Variants in TPRG1 observed in about 807,000 individuals in gnomAD.
TPRG1 encodes the protein tumor protein p63-regulated gene 1 protein.
Under a neutral mutation model 29.3 loss-of-function variants are expected in TPRG1, and 29 were observed. The observed-to-expected ratio is 0.99, with a 90% CI of 0.74 to 1.35. TPRG1 has a LOEUF of 1.35. Ranked by LOEUF, TPRG1 falls within the 40% of genes most tolerant of loss-of-function variation. The probability of loss-of-function intolerance (pLI) is 0.00; values close to 1 mark genes in which losing one functional copy is unlikely to be tolerated. For synonymous variants in TPRG1, 130 were observed against 116.8 expected (o/e 1.11, Z -0.73); for missense variants, 327 against 335.0 (o/e 0.98, Z 0.19).
chr3:189,259,313 C>T (rs534319298), intron 4 of TPRG1, among the ~76,000 whole-genome samples: 2 of 151,948 alleles, frequency 1.3e-5, no homozygotes, highest in South Asian at 2.1e-4. Flanking sequence ...TCTGCTTGCC[C>T]TCTGTGGGCT....
intron 5 of TPRG1, among the ~76,000 whole-genome samples, chr3:189,316,650 G>A (rs184881588): frequency 6.5e-4 from 99 of 152,224 alleles, no homozygotes; most frequent in Non-Finnish European, 9.7e-4. Context: ...AGAATAATAC[G>A]ATGTCCCCCC....
At chr3:189,030,996 A>G (rs1289043110) in intron 4 of TPRG1, among the ~76,000 whole-genome samples, 2 of 152,194 alleles carry the variant, frequency 1.3e-5, no homozygotes, top group Admixed American at 6.5e-5. Context: ...AAAAGGGCCG[A>G]GCGTGGCTCA....
chr3:189,189,569 T>C (rs1731409066), intron 1 of TPRG1, among the ~76,000 whole-genome samples: 1 of 152,220 alleles, frequency 6.6e-6, no homozygotes, highest in Admixed American at 6.5e-5. Flanking sequence ...ATGATTCCTC[T>C]CTTTTCACAT....
At chr3:189,271,030 C>T (rs1715040874) in intron 4 of TPRG1, among the ~76,000 whole-genome samples, 1 of 152,184 alleles carries the variant, frequency 6.6e-6, no homozygotes, top group Non-Finnish European at 1.5e-5. Context: ...CACAAACACA[C>T]ACACACTTTC....
At chr3:189,259,505 C>T (rs1195921239) in intron 4 of TPRG1, among the ~76,000 whole-genome samples, 2 of 141,860 alleles carry the variant, frequency 1.4e-5, no homozygotes, top group African/African-American at 2.7e-5. Flanking sequence ...TGCTCTGTTG[C>T]CCAGGCTGGA....
At chr3:189,158,966 CAGA>C (rs1727082138) in intron 5 of TPRG1, among the ~76,000 whole-genome samples, 1 of 114,364 alleles carries the variant, frequency 8.7e-6, no homozygotes. Context: ...CTTTTTGCCC[CAGA>C]CAAAGGCAAT....
intron 3 of TPRG1, chr3:189,219,439 T>C (rs1736594524): frequency 2.7e-6 from 1 of 368,210 alleles, no homozygotes; most frequent in East Asian, 1.0e-4. Context: ...CATCCAGGAC[T>C]GTTATATACA....
At chr3:189,156,121 A>G (rs1331892665) in intron 5 of TPRG1, among the ~76,000 whole-genome samples, 1 of 152,172 alleles carries the variant, frequency 6.6e-6, no homozygotes, top group African/African-American at 2.4e-5. Flanking sequence ...TTATTTATCA[A>G]TTGTAACTCA....
intron 3 of TPRG1, among the ~76,000 whole-genome samples, chr3:189,229,434 T>C (rs1738295065): frequency 6.6e-6 from 1 of 152,310 alleles, no homozygotes; most frequent in South Asian, 2.1e-4. Context: ...AGACAGCCTG[T>C]GACCCAAAGG....
intron 3 of TPRG1, among the ~76,000 whole-genome samples, chr3:189,016,147 G>A (rs1028786735): frequency 6.6e-6 from 1 of 152,104 alleles, no homozygotes; most frequent in Non-Finnish European, 1.5e-5. Flanking sequence ...CAAGGCCTTG[G>A]GAACCCATCC....
At chr3:189,161,275 A>G (rs7616752) in intron 5 of TPRG1, among the ~76,000 whole-genome samples, 83,030 of 152,062 alleles carry the variant, frequency 0.55, 25,517 homozygotes, top group African/African-American at 0.84. Context: ...CTTTTGCTAT[A>G]GAAGCAGTAC....
intron 4 of TPRG1, among the ~76,000 whole-genome samples, chr3:189,276,229 A>T (rs1214899989): frequency 2.0e-5 from 3 of 152,180 alleles, no homozygotes; most frequent in Non-Finnish European, 4.4e-5. Flanking sequence ...GGCTGTGAAG[A>T]TGAAGAGGTG....
chr3:189,154,686 A>G (rs1044395985), intron 5 of TPRG1, among the ~76,000 whole-genome samples: 6 of 151,048 alleles, frequency 4.0e-5, no homozygotes, highest in Non-Finnish European at 7.4e-5. Flanking sequence ...CAGGTGATCC[A>G]CCCGCCTCAG....
chr3:189,138,111 A>G (rs544841538), intron 3 of TPRG1, among the ~76,000 whole-genome samples: 1 of 152,296 alleles, frequency 6.6e-6, no homozygotes, highest in South Asian at 2.1e-4. Context: ...GTTTTGTGAA[A>G]GCCCAGGGGA....
chr3:189,202,549 C>A (rs1225817478), intron 1 of TPRG1, among the ~76,000 whole-genome samples: 3 of 152,026 alleles, frequency 2.0e-5, no homozygotes, highest in Non-Finnish European at 2.9e-5. Context: ...GTTTGGGGTG[C>A]CTTACAAATT....
At chr3:189,122,816 A>G (rs549843826) in intron 1 of TPRG1, among the ~76,000 whole-genome samples, 2 of 152,358 alleles carry the variant, frequency 1.3e-5, no homozygotes, top group East Asian at 3.9e-4. Flanking sequence ...TAAGAAATAC[A>G]GAGATTATCA....
At chr3:189,148,074 G>A (rs1456163130) in intron 4 of TPRG1, among the ~76,000 whole-genome samples, 1 of 152,176 alleles carries the variant, frequency 6.6e-6, no homozygotes, top group Non-Finnish European at 1.5e-5. Context: ...TGTGAATTCT[G>A]CCCAGTCAAA....
At chr3:189,042,358 G>A (rs1714689349) in intron 4 of TPRG1, among the ~76,000 whole-genome samples, 1 of 151,958 alleles carries the variant, frequency 6.6e-6, no homozygotes. Flanking sequence ...TGATCTGCTA[G>A]GTGTATAATA....
chr3:189,261,751 G>C (rs1713098797), intron 4 of TPRG1, among the ~76,000 whole-genome samples: 1 of 152,158 alleles, frequency 6.6e-6, no homozygotes, highest in Admixed American at 6.6e-5. Flanking sequence ...GGGAGATATG[G>C]GAAGGTCTTA....
Sources: gnomAD v4.1 joint callset for allele counts (sites outside exome capture counted in the v4.1 genomes callset) on GRCh38, gnomAD v4.1.1 for gene constraint, MANE v1.5 for transcripts, NCBI Gene and HGNC (gene_info 2026-07-23, HGNC 2026-07-21) for gene names.